Variants in PPP6R3 observed in about 807,000 individuals in gnomAD.
The protein encoded by PPP6R3 is protein phosphatase 6 regulatory subunit 3.
In PPP6R3, 38 loss-of-function variants were observed where a neutral mutation model predicts 110.7. The observed-to-expected ratio is 0.34, with a 90% CI of 0.26 to 0.45. The LOEUF (loss-of-function observed/expected upper bound fraction) is 0.45. PPP6R3 is among the 20% of genes least tolerant of loss of function. The pLI is 1.00. For missense variants in PPP6R3, 870 were observed against 1,062.4 expected (o/e 0.82, Z 2.52); for synonymous variants, 369 against 373.5 (o/e 0.99, Z 0.14).
chr11:68,546,704 TG>T (rs1220058085), intron 4 of PPP6R3, among the ~76,000 whole-genome samples: 1 of 152,228 alleles, frequency 6.6e-6, no homozygotes, highest in Non-Finnish European at 1.5e-5. Context: ...TGTTAGCTCA[TG>T]GAACAGGAAG....
At chr11:68,471,879 G>A (rs1460346402) in intron 1 of PPP6R3, among the ~76,000 whole-genome samples, 1 of 151,962 alleles carries the variant, frequency 6.6e-6, no homozygotes, top group Non-Finnish European at 1.5e-5. Flanking sequence ...GAGCAGACTA[G>A]GGGAGATGGG....
intron 8 of PPP6R3, among the ~76,000 whole-genome samples, chr11:68,562,577 C>T (rs920532497): frequency 1.3e-5 from 2 of 152,208 alleles, no homozygotes; most frequent in Non-Finnish European, 2.9e-5. Flanking sequence ...ATACAGATCA[C>T]TGGGACAGAG....
chr11:68,548,279 G>C (rs909031551), intron 5 of PPP6R3, 75 bp downstream of exon 5: 1 of 1,559,216 alleles, frequency 6.4e-7, no homozygotes, highest in Non-Finnish European at 8.7e-7. Flanking sequence ...GCTGTGTGCT[G>C]GGAAGGAATG....
At position 68,548,055 on chromosome 11, in the gene PPP6R3, G is replaced by C. The variant is rs2099356256; in HGVS notation, c.415-12G>C. 6.2e-6 allele frequency: 10 copies of C among 1,610,802 alleles called. No individual in the cohort carries two copies. Among genetic ancestry groups the C allele is most frequent in the Non-Finnish European group, 7.6e-6 (9 of 1,178,254 alleles). On this transcript the variant is annotated splice_polypyrimidine_tract_variant and intron_variant, in intron 4 of 23. Transcript: ENST00000393800. ...TTACATGTCTTTCAGTTTCTGATCT[G>C]TTCTTCTCTAGATTGTGGATTTCTT...
rs144534824 is a variant in PPP6R3, at chr11:68,583,192, T to C, written c.1632+63T>C. On this transcript the variant is annotated intron_variant, in intron 15 of 23. Coordinates refer to ENST00000393800, the MANE Select transcript of PPP6R3 (RefSeq NM_001164161.2). Reference sequence around the variant, plus strand: ...TTAAATGCTTAGTTTAGTTGCCTTTTATGAATCAGCTTCAGAGTCAGATTA... The same window carrying C: ...TTAAATGCTTAGTTTAGTTGCCTTTCATGAATCAGCTTCAGAGTCAGATTA... 431 of 1,250,510 alleles carry C rather than the reference T, an allele frequency of 3.4e-4. No homozygotes were observed. The African/African-American group carries it at 3.5e-3, about 10-fold the overall frequency. The allele number at this position is 1,250,510 out of a possible 1,614,324, so 77.5% of individuals were successfully genotyped here. A position where few individuals can be genotyped will look rare whatever the true frequency, so the allele number is the denominator to read the frequency against.
chr11:68,506,788 G>A (rs1215200757), intron 1 of PPP6R3, among the ~76,000 whole-genome samples: 1 of 152,102 alleles, frequency 6.6e-6, no homozygotes, highest in Non-Finnish European at 1.5e-5. Flanking sequence ...CCATTTGATT[G>A]CCAAGATTCC....
intron 8 of PPP6R3, among the ~76,000 whole-genome samples, chr11:68,559,537 G>A (rs185801399): frequency 9.4e-4 from 143 of 152,272 alleles, no homozygotes; most frequent in Non-Finnish European, 1.1e-3. Context: ...TACTTTTAGC[G>A]GTGTAATTTT....
In PPP6R3 at chr11:68,478,647, GT is replaced by G. The variant is rs769296530; in HGVS notation, c.-158+17845del. Among the ~76,000 whole-genome samples the G allele has an allele frequency of 2.1e-3, 104 of 50,490 alleles. 1 individual carries two copies. Among genetic ancestry groups the G allele is most frequent in the African/African-American group, 8.1e-3 (83 of 10,246 alleles). 33.1% of individuals were successfully genotyped at this position (50,490 alleles called of 152,430 possible). ...ACTGATGAGTTAGTGCACTTGGTAAGTTTTTTTTTTTTTTTTTTTTTTTTTG... is the reference window on the plus strand; with the variant it reads ...ACTGATGAGTTAGTGCACTTGGTAAGTTTTTTTTTTTTTTTTTTTTTTTTG... On this transcript the variant is annotated intron_variant, in intron 1 of 23. Transcript: ENST00000393800.
chr11:68,591,880 G>A (rs1286679119), intron 18 of PPP6R3, among the ~76,000 whole-genome samples, 174 bp downstream of exon 18: 1 of 152,202 alleles, frequency 6.6e-6, no homozygotes, highest in Admixed American at 6.5e-5. Flanking sequence ...CAGTGTGACA[G>A]TGATCTGCTG....
chr11:68,512,800 A>G (rs1439606223), intron 1 of PPP6R3, among the ~76,000 whole-genome samples: 1 of 152,188 alleles, frequency 6.6e-6, no homozygotes, highest in African/African-American at 2.4e-5. Flanking sequence ...TAATCACAAA[A>G]CGTCAGGTAT....
intron 15 of PPP6R3, 55 bp downstream of exon 15, chr11:68,583,184 T>C: frequency 7.6e-7 from 1 of 1,318,508 alleles, no homozygotes; most frequent in Middle Eastern, 1.8e-4. Context: ...CTTAGTTTAG[T>C]TGCCTTTTAT....
At chr11:68,512,423 A>G (rs1237650772) in intron 1 of PPP6R3, among the ~76,000 whole-genome samples, 1 of 152,234 alleles carries the variant, frequency 6.6e-6, no homozygotes, top group Non-Finnish European at 1.5e-5. Context: ...CTGAAGATCA[A>G]AATCCTTAAA....
intron 1 of PPP6R3, among the ~76,000 whole-genome samples, chr11:68,462,086 A>G (rs1310687508): frequency 1.3e-5 from 2 of 152,210 alleles, no homozygotes; most frequent in Non-Finnish European, 2.9e-5. Context: ...TAAGTTTGTC[A>G]GGATAATTGC....
chr11:68,555,710 G>T (rs1279418044), intron 7 of PPP6R3, among the ~76,000 whole-genome samples: 1 of 152,210 alleles, frequency 6.6e-6, no homozygotes, highest in Non-Finnish European at 1.5e-5. Context: ...TTTAGTCCTA[G>T]ATCAGGTAGC....
chr11:68,526,275 A>G (rs1330861510), intron 2 of PPP6R3, among the ~76,000 whole-genome samples: 1 of 151,328 alleles, frequency 6.6e-6, no homozygotes, highest in Non-Finnish European at 1.5e-5. Context: ...TTAAATTTTG[A>G]GACAGGGTCT....
intron 3 of PPP6R3, among the ~76,000 whole-genome samples, chr11:68,541,062 G>A (rs11228278): frequency 0.32 from 48,402 of 152,094 alleles, 8,743 homozygotes; most frequent in African/African-American, 0.49. Context: ...GATTTGGGGA[G>A]GTGATAAGTG....
chr11:68,568,996 G>A (rs563573619), intron 10 of PPP6R3, among the ~76,000 whole-genome samples: 20 of 152,198 alleles, frequency 1.3e-4, no homozygotes, highest in African/African-American at 3.1e-4. Flanking sequence ...TCCTGACCTC[G>A]TGATCCGCCC....
rs1250211053 is a variant in PPP6R3 at position 68,573,152 on chromosome 11, AT to A, written c.1344-956del. 5.6e-4 allele frequency among the ~76,000 whole-genome samples: 47 copies of A among 83,608 alleles called. 1 individual carries two copies. Among genetic ancestry groups the A allele is most frequent in the Middle Eastern group, 7.9e-3 (1 of 126 alleles). The allele number at this position is 83,608 out of a possible 152,430, so 54.9% of individuals were successfully genotyped here. On this transcript the variant is annotated intron_variant, in intron 12 of 23. Transcript: ENST00000393800. ...TATATATATATATATATATATATAT[AT>A]AATTTTTTTTTTTTTGAGACGGAGT...
At chr11:68,603,741 A>G (rs988324016) in intron 22 of PPP6R3, among the ~76,000 whole-genome samples, 6 of 152,354 alleles carry the variant, frequency 3.9e-5, no homozygotes, top group Non-Finnish European at 7.3e-5. Context: ...TGATAGAACT[A>G]TGAGAATTGA....
Sources: gnomAD v4.1 joint callset for allele counts (sites outside exome capture counted in the v4.1 genomes callset) on GRCh38, gnomAD v4.1.1 for gene constraint, MANE v1.5 for transcripts, NCBI Gene and HGNC (gene_info 2026-07-23, HGNC 2026-07-21) for gene names.